Variants in FRAS1 observed in about 807,000 individuals in gnomAD.
FRAS1 encodes the protein Fraser extracellular matrix complex subunit 1, also known as extracellular matrix organizing protein FRAS1.
In FRAS1, 290 loss-of-function variants were observed where a neutral mutation model predicts 435.2. The observed-to-expected ratio is 0.67, with a 90% CI of 0.61 to 0.73. The LOEUF is 0.73. Ranked by LOEUF, FRAS1 falls within the 30% of genes least tolerant of loss-of-function variation. The pLI is 0.00. For synonymous variants in FRAS1, 1,800 were observed against 1,851.0 expected, an observed-to-expected ratio of 0.97 and a Z score of 0.71; for missense variants, 4,860 against 5,001.5, an observed-to-expected ratio of 0.97 and a Z score of 0.85.
intron 2 of FRAS1, among the ~76,000 whole-genome samples, chr4:78,101,525 A>AT (rs554010077): frequency 3.8e-4 from 57 of 151,794 alleles, no homozygotes; most frequent in East Asian, 1.4e-3. Context: ...GTGAGAGTGT[A>AT]TTTTTTTTAA....
chr4:78,486,828 C>CTATT (rs1376779200), intron 58 of FRAS1, among the ~76,000 whole-genome samples: 1 of 109,408 alleles, frequency 9.1e-6, no homozygotes, highest in Non-Finnish European at 1.8e-5. Context: ...TTCTCTCTCT[C>CTATT]TATTTTTTTT....
intron 2 of FRAS1, among the ~76,000 whole-genome samples, chr4:78,128,007 GT>G (rs1578142314): frequency 6.6e-6 from 1 of 150,460 alleles, no homozygotes; most frequent in South Asian, 2.1e-4. Context: ...GAGGTGTTTG[GT>G]TTTTTGTCCT....
chr4:78,202,138 C>A (rs1004004284), intron 2 of FRAS1, among the ~76,000 whole-genome samples: 1 of 152,192 alleles, frequency 6.6e-6, no homozygotes, highest in African/African-American at 2.4e-5. Flanking sequence ...AGACAGTTAT[C>A]CAGCCCCAAA....
At chr4:78,469,174 ACAGGTCTCTG>A (rs1719629004) in intron 50 of FRAS1, among the ~76,000 whole-genome samples, 4 of 152,236 alleles carry the variant, frequency 2.6e-5, no homozygotes, top group African/African-American at 7.2e-5. Flanking sequence ...AAATGTTACA[ACAGGTCTCTG>A]GAGGGACGAT....
chr4:78,452,202 C>G lies in FRAS1; in HGVS notation c.6611C>G (p.Thr2204Ser). 1 of 1,613,774 alleles carries G rather than the reference C, an allele frequency of 6.2e-7. No homozygotes were observed. Among genetic ancestry groups the G allele is most frequent in the Non-Finnish European group, 8.5e-7 (1 of 1,179,700 alleles). Residue 2204 changes from threonine to serine, a missense_variant, in exon 47 of 74, where the codon ACC becomes AGC. Coordinates refer to ENST00000512123, the MANE Select transcript of FRAS1 (RefSeq NM_025074.7). ...LEDKSPPVIT[T>S]NKGLVLDENS... Reference sequence around the variant, plus strand: ...GACAAATCCCCACCAGTCATCACCACCAATAAAGGACTGGTCTTGGATGAA... The same window carrying G: ...GACAAATCCCCACCAGTCATCACCAGCAATAAAGGACTGGTCTTGGATGAA...
intron 18 of FRAS1, among the ~76,000 whole-genome samples, chr4:78,327,314 G>C (rs1331657395): frequency 6.6e-6 from 1 of 152,162 alleles, no homozygotes; most frequent in Non-Finnish European, 1.5e-5. Context: ...TGTGAGTCTA[G>C]AGGATTTTGA....
intron 44 of FRAS1, among the ~76,000 whole-genome samples, chr4:78,449,202 C>T (rs1356021108): frequency 1.3e-5 from 2 of 152,192 alleles, no homozygotes; most frequent in Non-Finnish European, 2.9e-5. Flanking sequence ...AGGTTTGCAT[C>T]GGCTCCCTCT....
At chr4:78,355,741 T>C (rs763291081) in intron 20 of FRAS1, among the ~76,000 whole-genome samples, 24 of 152,174 alleles carry the variant, frequency 1.6e-4, no homozygotes, top group Non-Finnish European at 2.5e-4. Context: ...TCCTCTACTG[T>C]GTCCTGTGAA....
chr4:78,094,106 T>G, intron 2 of FRAS1, among the ~76,000 whole-genome samples: 1 of 69,002 alleles, frequency 1.4e-5, no homozygotes, highest in Admixed American at 1.6e-4. Flanking sequence ...ATAACCAAGT[T>G]TTTTTTTTTT....
intron 2 of FRAS1, among the ~76,000 whole-genome samples, chr4:78,200,596 T>C (rs1455824107): frequency 6.6e-6 from 1 of 152,136 alleles, no homozygotes; most frequent in East Asian, 1.9e-4. Context: ...GATGCAACAC[T>C]GATGTGATCG....
chr4:78,101,675 A>T (rs1742139459), intron 2 of FRAS1, among the ~76,000 whole-genome samples: 1 of 152,208 alleles, frequency 6.6e-6, no homozygotes, highest in Non-Finnish European at 1.5e-5. Flanking sequence ...ATTATGGCCC[A>T]ATTTCTAATA....
intron 2 of FRAS1, among the ~76,000 whole-genome samples, chr4:78,134,609 A>T (rs890331976): frequency 1.3e-5 from 2 of 152,174 alleles, no homozygotes; most frequent in East Asian, 3.8e-4. Context: ...TAACCCAAAA[A>T]GTGTTTCTGT....
chr4:78,404,717 T>C (rs1340448115), intron 30 of FRAS1, among the ~76,000 whole-genome samples: 3 of 152,234 alleles, frequency 2.0e-5, no homozygotes, highest in Admixed American at 2.0e-4. Flanking sequence ...TGTGTTTCTT[T>C]ACAGTCTCAC....
chr4:78,079,817 A>C (rs537977438), intron 2 of FRAS1, among the ~76,000 whole-genome samples: 1 of 152,252 alleles, frequency 6.6e-6, no homozygotes, highest in East Asian at 1.9e-4. Flanking sequence ...CACACCCTCA[A>C]TGGGGAAGAA....
chr4:78,420,007 T>C (rs1354206562), intron 33 of FRAS1, among the ~76,000 whole-genome samples: 7 of 152,014 alleles, frequency 4.6e-5, no homozygotes, highest in Non-Finnish European at 1.5e-5. Context: ...GCCTCCAACA[T>C]TGAGGATTAC....
intron 2 of FRAS1, among the ~76,000 whole-genome samples, chr4:78,126,916 C>G (rs1202265411): frequency 6.6e-6 from 1 of 152,048 alleles, no homozygotes; most frequent in Non-Finnish European, 1.5e-5. Context: ...ATGTGATAGC[C>G]TGAAGATAAT....
At chr4:78,385,604 G>A (rs1024991542) in intron 28 of FRAS1, among the ~76,000 whole-genome samples, 3 of 152,128 alleles carry the variant, frequency 2.0e-5, no homozygotes, top group African/African-American at 7.2e-5. Context: ...AACTAAAACA[G>A]GCTGGGCTCA....
At chr4:78,400,158 C>CT (rs1732824831) in intron 29 of FRAS1, among the ~76,000 whole-genome samples, 2 of 152,212 alleles carry the variant, frequency 1.3e-5, no homozygotes, top group African/African-American at 4.8e-5. Context: ...ACTTAGAAAT[C>CT]CAATTTTTTT....
At chr4:78,316,596 G>A (rs1729265784) in intron 16 of FRAS1, among the ~76,000 whole-genome samples, 2 of 152,026 alleles carry the variant, frequency 1.3e-5, no homozygotes. Flanking sequence ...CCTGACCCCA[G>A]CCCTGCTAGA....
Sources: gnomAD v4.1 joint callset for allele counts (sites outside exome capture counted in the v4.1 genomes callset) on GRCh38, gnomAD v4.1.1 for gene constraint, MANE v1.5 for transcripts, NCBI Gene and HGNC (gene_info 2026-07-23, HGNC 2026-07-21) for gene names.